Variants in OSGIN2 observed in about 807,000 individuals in gnomAD.
The protein encoded by OSGIN2 is oxidative stress induced growth inhibitor family member 2.
A neutral mutation model predicts 53.8 loss-of-function variants in OSGIN2; 19 were observed. The ratio of observed to expected loss-of-function variants is 0.35; its 90% CI spans 0.25 to 0.52. OSGIN2 has a LOEUF of 0.52. Among genes scored for constraint, OSGIN2 ranks in the 20% least tolerant of loss-of-function variants. The probability of loss-of-function intolerance (pLI) is 0.95; values close to 1 mark genes in which losing one functional copy is unlikely to be tolerated. For missense variants in OSGIN2, 520 were observed against 662.7 expected (o/e 0.78, Z 2.36); for synonymous variants, 236 against 236.0 (o/e 1.00, Z 0.00).
intron 2 of OSGIN2, among the ~76,000 whole-genome samples, chr8:89,913,258 C>T (rs1458905061): frequency 6.6e-6 from 1 of 152,168 alleles, no homozygotes; most frequent in African/African-American, 2.4e-5. Flanking sequence ...ACCATCCTTG[C>T]TTTAAGGTTA....
At chr8:89,915,344 C>T (rs1365290012) in intron 4 of OSGIN2, among the ~76,000 whole-genome samples, 1 of 152,168 alleles carries the variant, frequency 6.6e-6, no homozygotes, top group Non-Finnish European at 1.5e-5. Flanking sequence ...ATATTCTCTT[C>T]TTATGAAGCC....
At chr8:89,922,279 G>A (rs936591137) in intron 5 of OSGIN2, among the ~76,000 whole-genome samples, 1 of 152,104 alleles carries the variant, frequency 6.6e-6, no homozygotes, top group African/African-American at 2.4e-5. Context: ...TTCAGGGAGA[G>A]CAAATTTACA....
intron 4 of OSGIN2, among the ~76,000 whole-genome samples, chr8:89,919,674 G>C (rs1264042660): frequency 6.6e-6 from 1 of 152,188 alleles, no homozygotes; most frequent in Non-Finnish European, 1.5e-5. Flanking sequence ...ACGCAGGCCT[G>C]CTGAGTTAAT....
chr8:89,925,463 C>T lies in OSGIN2; in HGVS notation c.1581C>T (p.Arg527=), dbSNP rs1809302955. 1 of 1,614,068 alleles carries T rather than the reference C, an allele frequency of 6.2e-7. No homozygotes were observed. The highest frequency in any genetic ancestry group is 8.5e-7 in the Non-Finnish European group (1 of 1,179,982). Residue 527 remains arginine, a synonymous_variant, in exon 6 of 6, where the codon CGC becomes CGT. Transcript: ENST00000451899. ...AGGGAGGGGCGCTGGGTGTTACACG[C>T]TGTTTAGCTACAAGACAGAAGAAAA... is the stretch of plus-strand genomic sequence containing the variant. The part of the protein sequence containing the change: ...FLKGGALGVT[R]CLATRQKKKH...
chr8:89,925,510 G>T lies in OSGIN2; in HGVS notation c.1628G>T (p.Gly543Val). Residue 543 changes from glycine (G) to valine (V), a missense_variant, in exon 6 of 6, where the codon GGA (glycine) becomes GTA (valine). Gly to Val is a moderately radical substitution (Grantham distance 109, BLOSUM62 -3). This residue lies in a region of OSGIN2 where 239 missense variants were observed against 328.3 expected (regional missense o/e 0.73). Transcript: ENST00000451899. The stretch of plus-strand genomic sequence containing the variant: ...AAAAAGCATTTGTTTGTTGAAAGAG[G>T]AGGAGGAGATGGGATAGCTTAAAGC... ...QKKKHLFVERGGGDGIA is the reference protein window; with the variant it reads ...QKKKHLFVERVGGDGIA The T allele has an allele frequency of 6.2e-7, 1 of 1,613,768 alleles. No homozygotes were observed. Among genetic ancestry groups the T allele is most frequent in the Non-Finnish European group, 8.5e-7 (1 of 1,179,808 alleles).
chr8:89,905,721 CT>C (rs1808827016), intron 1 of OSGIN2, among the ~76,000 whole-genome samples: 1 of 152,212 alleles, frequency 6.6e-6, no homozygotes, highest in African/African-American at 2.4e-5. Context: ...ATTACCTATA[CT>C]ATGTAAATTT....
At chr8:89,910,782 C>T (rs1254117746) in intron 2 of OSGIN2, among the ~76,000 whole-genome samples, 2 of 152,168 alleles carry the variant, frequency 1.3e-5, no homozygotes, top group African/African-American at 4.8e-5. Flanking sequence ...TTCATTTGCA[C>T]CTGCCCACTC....
chr8:89,901,988 A>G (rs887662533), upstream of OSGIN2: 1 of 152,338 alleles, frequency 6.6e-6, no homozygotes, highest in Non-Finnish European at 1.5e-5. Context: ...GGACTTCCAT[A>G]AAAGAAGCGT....
At chr8:89,920,382 A>C (rs1245391798) in intron 4 of OSGIN2, among the ~76,000 whole-genome samples, 1 of 152,224 alleles carries the variant, frequency 6.6e-6, no homozygotes, top group Non-Finnish European at 1.5e-5. Context: ...CCACTGCCTA[A>C]AAGAGTTGAT....
intron 2 of OSGIN2, among the ~76,000 whole-genome samples, chr8:89,913,693 G>A (rs1809018302): frequency 6.6e-6 from 1 of 152,176 alleles, no homozygotes; most frequent in South Asian, 2.1e-4. Flanking sequence ...ATAGGATAGG[G>A]TTTGAAGGAG....
At chr8:89,902,438 C>G (rs1808736700), upstream of OSGIN2, 1 of 152,208 alleles carries the variant, frequency 6.6e-6, no homozygotes, top group South Asian at 2.1e-4. Flanking sequence ...TCGCCCGGGC[C>G]GTGGCTCCAC....
Position 89,910,947 on chromosome 8 carries a change from C to T in OSGIN2, c.199+1226C>T, listed in dbSNP as rs151267271. Reference sequence around the variant, plus strand: ...CTTAAATATATGTTTTCTGTTGCCGCTGTAACAAATTACCACAAAACTAGT... The same window carrying T: ...CTTAAATATATGTTTTCTGTTGCCGTTGTAACAAATTACCACAAAACTAGT... On this transcript the variant is annotated intron_variant, in intron 2 of 5. Coordinates refer to ENST00000451899, the MANE Select transcript of OSGIN2 (RefSeq NM_001126111.3). Among the ~76,000 whole-genome samples, 7 of 152,322 alleles carry T rather than the reference C, an allele frequency of 4.6e-5. No homozygotes were observed. The East Asian group carries it at 1.3e-3, about 29-fold the overall frequency.
In OSGIN2 at chr8:89,925,394, T is replaced by C. The variant is rs760159929; in HGVS notation, c.1512T>C (p.Phe504=). The C allele has an allele frequency of 7.4e-6, 12 of 1,614,158 alleles. No individual in the cohort carries two copies. Among genetic ancestry groups the C allele is most frequent in the Non-Finnish European group, 9.3e-6 (11 of 1,180,000 alleles). The part of the protein sequence containing the change: ...TYECIKEANL[F]ALGPLVGDNF... ...AGTGTATTAAAGAAGCCAACCTTTT[T>C]GCATTGGGTCCTTTGGTTGGAGACA... is the stretch of plus-strand genomic sequence containing the variant. Residue 504 remains phenylalanine (F), a synonymous_variant, in exon 6 of 6, where the codon TTT becomes TTC. Transcript: ENST00000451899.
chr8:89,917,749 C>T (rs985389951), intron 4 of OSGIN2, among the ~76,000 whole-genome samples: 4 of 152,010 alleles, frequency 2.6e-5, no homozygotes, highest in South Asian at 2.1e-4. Context: ...ACACTCAAAC[C>T]GAAAACTTAC....
chr8:89,925,834 A>T lies in OSGIN2; in HGVS notation c.*302A>T, dbSNP rs142906186. Reference sequence around the variant, plus strand: ...TCATGATCATTTTTGGTTATTTATTATACTTGATTCCAAAATAGTACAGCC... The same window carrying T: ...TCATGATCATTTTTGGTTATTTATTTTACTTGATTCCAAAATAGTACAGCC... On this transcript the variant is annotated 3_prime_UTR_variant, in exon 6 of 6. Coordinates refer to ENST00000451899, the MANE Select transcript of OSGIN2 (RefSeq NM_001126111.3). The T allele has an allele frequency of 1.1e-5, 3 of 284,708 alleles. No individual in the cohort carries two copies. The highest frequency in any genetic ancestry group is 6.5e-5 in the African/African-American group (3 of 46,216). The allele number at this position is 284,708 out of a possible 1,614,324, so 17.6% of individuals were successfully genotyped here. A position where few individuals can be genotyped will look rare whatever the true frequency, so the allele number is the denominator to read the frequency against.
chr8:89,927,815 T>C lies in OSGIN2; in HGVS notation c.*2283T>C, dbSNP rs949572723. 3.3e-5 allele frequency: 5 copies of C among 152,270 alleles called. No homozygotes were observed. The highest frequency in any genetic ancestry group is 1.3e-4 in the Admixed American group (2 of 15,286). 9.4% of individuals were successfully genotyped at this position (152,270 alleles called of 1,614,324 possible). A position where few individuals can be genotyped will look rare whatever the true frequency, so the allele number is the denominator to read the frequency against. Reference sequence around the variant, plus strand: ...TCTGTGGCATCAAATTTTAGTTGATTGTATTAGTCAATAGGAAGTGGTGGA... The same window carrying C: ...TCTGTGGCATCAAATTTTAGTTGATCGTATTAGTCAATAGGAAGTGGTGGA... On this transcript the variant is annotated 3_prime_UTR_variant, in exon 6 of 6. Transcript: ENST00000451899.
At chr8:89,923,637 G>A (rs1021253078) in intron 5 of OSGIN2, among the ~76,000 whole-genome samples, 2 of 152,182 alleles carry the variant, frequency 1.3e-5, no homozygotes, top group African/African-American at 4.8e-5. Flanking sequence ...GTAGGCTAGT[G>A]TAAGTGCTCT....
In OSGIN2 at chr8:89,913,272, T is replaced by C. The variant is rs184966025; in HGVS notation, c.200-805T>C. Among the ~76,000 whole-genome samples, 949 of 152,316 alleles carry C rather than the reference T, an allele frequency of 6.2e-3. 11 individuals are homozygous for C. Among genetic ancestry groups the C allele is most frequent in the African/African-American group, 0.022 (899 of 41,568 alleles). On this transcript the variant is annotated intron_variant, in intron 2 of 5. Coordinates refer to ENST00000451899, the MANE Select transcript of OSGIN2 (RefSeq NM_001126111.3). The stretch of plus-strand genomic sequence containing the variant: ...TACCATCCTTGCTTTAAGGTTAAAC[T>C]ATAAATTCCTTCCATGATTAGCTTT...
intron 2 of OSGIN2, among the ~76,000 whole-genome samples, chr8:89,910,526 CT>C (rs1808946647): frequency 6.6e-6 from 1 of 152,068 alleles, no homozygotes; most frequent in South Asian, 2.1e-4. Flanking sequence ...TGTCCTCTGG[CT>C]TGTGGGAGGA....
Sources: gnomAD v4.1 joint callset for allele counts (sites outside exome capture counted in the v4.1 genomes callset) on GRCh38, gnomAD v4.1.1 for gene constraint, gnomAD v4.1.1 regional missense constraint, MANE v1.5 for transcripts, NCBI Gene and HGNC (gene_info 2026-07-23, HGNC 2026-07-21) for gene names.